PPP1R12B: variants seen among roughly 807,000 people sequenced by gnomAD.
PPP1R12B encodes the protein protein phosphatase 1 regulatory subunit 12B.
In PPP1R12B, 76 loss-of-function variants were observed where a neutral mutation model predicts 126.1. That is an observed-to-expected ratio of 0.60 (90% CI 0.50 to 0.73). The LOEUF is 0.73. Ranked by LOEUF, PPP1R12B falls within the 30% of genes least tolerant of loss-of-function variation. The pLI, the probability that PPP1R12B is intolerant of heterozygous loss-of-function variation, is 0.00. For missense variants in PPP1R12B, 1,052 were observed against 1,205.1 expected (o/e 0.87, Z 1.88); for synonymous variants, 356 against 434.7 (o/e 0.82, Z 2.25).
At chr1:202,440,880 C>G in intron 11 of PPP1R12B, 92 bp downstream of exon 11, 4 of 1,020,726 alleles carry the variant, frequency 3.9e-6, no homozygotes, top group Non-Finnish European at 6.0e-6. Context: ...GCATTTTTCC[C>G]TCAGGTGTCC....
chr1:202,543,761 A>G (rs1029948253), intron 18 of PPP1R12B, among the ~76,000 whole-genome samples: 2 of 151,990 alleles, frequency 1.3e-5, no homozygotes, highest in African/African-American at 4.8e-5. Flanking sequence ...AAACAAACAC[A>G]TCCCTCTTCC....
rs1399216497 is a variant in PPP1R12B, at chr1:202,432,143, TTGTC to T, written c.1141+527_1141+530del. ...GAATACTTGCATTTAATTCTCAGGT[TTGTC>T]TGATTTCCTAAACAGAATCCTAAAA... On this transcript the variant is annotated intron_variant, in intron 8 of 23. Coordinates refer to ENST00000608999, the MANE Select transcript of PPP1R12B (RefSeq NM_002481.4). 2.0e-5 allele frequency among the ~76,000 whole-genome samples: 3 copies of T among 152,310 alleles called. No individual in the cohort carries two copies. The East Asian group carries it at 5.8e-4, about 29-fold the overall frequency.
At chr1:202,368,718 C>G (rs1320536189) in intron 1 of PPP1R12B, among the ~76,000 whole-genome samples, 1 of 151,426 alleles carries the variant, frequency 6.6e-6, no homozygotes, top group African/African-American at 2.4e-5. Context: ...ATATAAAATG[C>G]CTTTTAATAA....
intron 18 of PPP1R12B, among the ~76,000 whole-genome samples, chr1:202,535,138 A>G (rs1237458843): frequency 6.6e-6 from 1 of 152,044 alleles, no homozygotes; most frequent in Non-Finnish European, 1.5e-5. Flanking sequence ...GTTTTGGGTG[A>G]TGAACCAAGT....
chr1:202,540,204 C>T, intron 18 of PPP1R12B: 1 of 1,610,526 alleles, frequency 6.2e-7, no homozygotes, highest in Non-Finnish European at 8.5e-7. Flanking sequence ...TCTGATTCTC[C>T]CCCAGCATCT....
At chr1:202,486,759 G>A (rs1678187341) in intron 13 of PPP1R12B, among the ~76,000 whole-genome samples, 1 of 152,186 alleles carries the variant, frequency 6.6e-6, no homozygotes, top group Admixed American at 6.5e-5. Flanking sequence ...AGTCAGCTGT[G>A]ATCACGCCAC....
In PPP1R12B at chr1:202,431,463, T is replaced by C. The variant is rs564110320; in HGVS notation, c.1002-17T>C. 5.7e-6 allele frequency: 9 copies of C among 1,579,410 alleles called. No homozygotes were observed. The South Asian group carries it at 1.1e-4, about 19-fold the overall frequency. The stretch of plus-strand genomic sequence containing the variant: ...TATCATTTCTGAATTATACTCAAGT[T>C]GTCATCTTTAATTTAGCAAAGAGAA... On this transcript the variant is annotated splice_polypyrimidine_tract_variant and intron_variant, in intron 7 of 23. Coordinates refer to ENST00000608999, the MANE Select transcript of PPP1R12B (RefSeq NM_002481.4).
rs34492667 is a variant in PPP1R12B, at chr1:202,370,543, A to AT, written c.291+21413dup. ...AAATTGCTGGGTTATAGAGTATATA[A>AT]TTTTTTTTTTTTGAGATGGAGTCTT... is the stretch of plus-strand genomic sequence containing the variant. On this transcript the variant is annotated intron_variant, in intron 1 of 23. Transcript: ENST00000608999. 7.9e-3 allele frequency among the ~76,000 whole-genome samples: 1,187 copies of AT among 149,358 alleles called. 18 individuals are homozygous for AT. The highest frequency in any genetic ancestry group is 0.027 in the African/African-American group (1,101 of 40,582).
rs1035906814 is a variant in PPP1R12B, at chr1:202,418,815, GA to G, written c.422+1907del. The stretch of plus-strand genomic sequence containing the variant: ...GTAGCATTTTTTTTAATATGCAATG[GA>G]AAAAAAAACATTGTTTGTACTGTTC... On this transcript the variant is annotated intron_variant, in intron 2 of 23. Transcript: ENST00000608999. Among the ~76,000 whole-genome samples, 10 of 149,414 alleles carry G rather than the reference GA, an allele frequency of 6.7e-5. No homozygotes were observed. In the South Asian group the frequency reaches 8.5e-4, roughly 13 times the overall value.
At chr1:202,498,646 A>G (rs777234953) in intron 18 of PPP1R12B, among the ~76,000 whole-genome samples, 1 of 152,244 alleles carries the variant, frequency 6.6e-6, no homozygotes, top group Admixed American at 6.5e-5. Flanking sequence ...ATGCCTGGTC[A>G]TGGCCTAGTG....
At chr1:202,383,915 G>T (rs1662736048) in intron 1 of PPP1R12B, among the ~76,000 whole-genome samples, 1 of 152,086 alleles carries the variant, frequency 6.6e-6, no homozygotes, top group African/African-American at 2.4e-5. Context: ...CATGTAAGTT[G>T]TTTCTAGGAT....
chr1:202,518,910 GAAAT>G lies in PPP1R12B; in HGVS notation c.2490+22089_2490+22092del, dbSNP rs1338128210. On this transcript the variant is annotated intron_variant, in intron 18 of 23. Transcript: ENST00000608999. ...TGGTGGAAGTATGCAATAGTGGATAGAAATCTGCTGGACACTCACCCTTAATATA... is the reference window on the plus strand; with the variant it reads ...TGGTGGAAGTATGCAATAGTGGATAGCTGCTGGACACTCACCCTTAATATA... Among the ~76,000 whole-genome samples, 3 of 152,182 alleles carry G rather than the reference GAAAT, an allele frequency of 2.0e-5. No individual in the cohort carries two copies. In the East Asian group the frequency reaches 5.8e-4, roughly 29 times the overall value.
chr1:202,471,051 C>G (rs998857143), intron 13 of PPP1R12B, among the ~76,000 whole-genome samples: 1 of 152,124 alleles, frequency 6.6e-6, no homozygotes, highest in Non-Finnish European at 1.5e-5. Flanking sequence ...GTGTATCTCT[C>G]CTCAGTCTCA....
rs75429122 is a variant in PPP1R12B, at chr1:202,420,741, G to A, written c.423-1879G>A. Among the ~76,000 whole-genome samples, 581 of 152,212 alleles carry A rather than the reference G, an allele frequency of 3.8e-3. 7 individuals carry two copies. Among genetic ancestry groups the A allele is most frequent in the African/African-American group, 0.013 (558 of 41,516 alleles). ...GATAGAATTAAGAATACAAATAGAG[G>A]GAGTTCGTTTTGGAATTGAATAAGG... On this transcript the variant is annotated intron_variant, in intron 2 of 23. Transcript: ENST00000608999.
intron 1 of PPP1R12B, among the ~76,000 whole-genome samples, chr1:202,392,866 T>G (rs1199902168): frequency 6.6e-6 from 1 of 152,076 alleles, no homozygotes; most frequent in Non-Finnish European, 1.5e-5. Flanking sequence ...TTTTCTAAAA[T>G]TGACTGTGGT....
At chr1:202,546,708 G>A (rs1405385664) in intron 18 of PPP1R12B, among the ~76,000 whole-genome samples, 2 of 152,112 alleles carry the variant, frequency 1.3e-5, no homozygotes, top group Middle Eastern at 3.2e-3. Context: ...TAAATTAGAG[G>A]TACTTTGGGA....
At chr1:202,481,029 A>G (rs943137329) in intron 13 of PPP1R12B, among the ~76,000 whole-genome samples, 3 of 152,224 alleles carry the variant, frequency 2.0e-5, no homozygotes, top group African/African-American at 7.2e-5. Flanking sequence ...TCTGCAGATC[A>G]TCAGGCATTA....
chr1:202,463,232 C>A (rs1470727910), intron 13 of PPP1R12B: 2 of 228,954 alleles, frequency 8.7e-6, no homozygotes, highest in Admixed American at 1.3e-4. Flanking sequence ...AAGATATAAC[C>A]AGTTTGGAAC....
intron 1 of PPP1R12B, among the ~76,000 whole-genome samples, chr1:202,406,682 C>T (rs1287144873): frequency 6.6e-6 from 1 of 152,164 alleles, no homozygotes; most frequent in Non-Finnish European, 1.5e-5. Context: ...ATGCTTATCA[C>T]TCTAGTTTCC....
Sources: gnomAD v4.1 joint callset for allele counts (sites outside exome capture counted in the v4.1 genomes callset) on GRCh38, gnomAD v4.1.1 for gene constraint, MANE v1.5 for transcripts, NCBI Gene and HGNC (gene_info 2026-07-23, HGNC 2026-07-21) for gene names.